VTA1: variants seen among roughly 807,000 people sequenced by gnomAD.
VTA1 encodes vesicle trafficking 1, also known as vacuolar protein sorting-associated protein VTA1 homolog.
VTA1 carries 24 observed loss-of-function variants against 36.9 expected under a neutral mutation model. That is an observed-to-expected ratio of 0.65 (90% CI 0.47 to 0.91). The LOEUF is 0.91. Ranked by LOEUF, VTA1 falls within the 40% of genes least tolerant of loss-of-function variation. The pLI is 0.00. For missense variants in VTA1, 393 were observed against 377.2 expected (o/e 1.04, Z -0.35); for synonymous variants, 142 against 130.2 (o/e 1.09, Z -0.62).
chr6:142,188,539 G>C (rs1268905795), intron 4 of VTA1, among the ~76,000 whole-genome samples: 1 of 152,084 alleles, frequency 6.6e-6, no homozygotes, highest in Non-Finnish European at 1.5e-5. Flanking sequence ...CGTTCGCTCT[G>C]GAACGCTAAT....
chr6:142,169,528 T>C, intron 2 of VTA1, 22 bp from the exon 3 acceptor site: 1 of 1,604,502 alleles, frequency 6.2e-7, no homozygotes, highest in Non-Finnish European at 8.5e-7. Context: ...AATCATAAGC[T>C]ATGTATCTGA....
At chr6:142,191,621 G>A (rs374480515) in intron 5 of VTA1, among the ~76,000 whole-genome samples, 1 of 152,018 alleles carries the variant, frequency 6.6e-6, no homozygotes, top group African/African-American at 2.4e-5. Flanking sequence ...GTGGAAAATT[G>A]TAAGCTACAG....
chr6:142,162,863 G>A (rs777472659), intron 1 of VTA1, among the ~76,000 whole-genome samples: 1 of 152,188 alleles, frequency 6.6e-6, no homozygotes, highest in Non-Finnish European at 1.5e-5. Context: ...CTGTAGTAAT[G>A]TGCATAGTTG....
Position 142,219,377 on chromosome 6 carries a change from A to G in VTA1, c.*734A>G, listed in dbSNP as rs1466023310. 1 of 152,224 alleles carries G rather than the reference A, an allele frequency of 6.6e-6. No individual in the cohort carries two copies. The highest frequency in any genetic ancestry group is 1.5e-5 in the Non-Finnish European group (1 of 68,038). The allele number at this position is 152,224 out of a possible 1,614,324, so 9.4% of individuals were successfully genotyped here. On this transcript the variant is annotated 3_prime_UTR_variant, in exon 8 of 8. Transcript: ENST00000367630. ...ATGTATTAGAGAATGAAAAGAAGAT[A>G]TTTGTAGTAATGCCTGGAAACTTGG...
intron 7 of VTA1, among the ~76,000 whole-genome samples, chr6:142,216,074 C>T (rs1776000010): frequency 1.3e-5 from 2 of 152,048 alleles, no homozygotes; most frequent in Non-Finnish European, 2.9e-5. Context: ...TCTTTAAGGT[C>T]CACTTGCACC....
At chr6:142,148,647 C>G (rs1582871637) in intron 1 of VTA1, among the ~76,000 whole-genome samples, 2 of 152,086 alleles carry the variant, frequency 1.3e-5, no homozygotes, top group Admixed American at 1.3e-4. Context: ...TAGAGTCTAT[C>G]ATACATAGAG....
intron 1 of VTA1, among the ~76,000 whole-genome samples, chr6:142,156,348 A>G (rs766197074): frequency 3.9e-5 from 6 of 152,234 alleles, no homozygotes; most frequent in Non-Finnish European, 7.3e-5. Flanking sequence ...AGAAAAAGGC[A>G]AAAAAGCCAG....
chr6:142,181,920 T>C (rs530041637), intron 4 of VTA1, among the ~76,000 whole-genome samples: 1 of 152,356 alleles, frequency 6.6e-6, no homozygotes, highest in Non-Finnish European at 1.5e-5. Flanking sequence ...TCTGTGACTA[T>C]AAATATTTCA....
chr6:142,164,349 C>T (rs1400005260), intron 1 of VTA1, among the ~76,000 whole-genome samples: 1 of 151,904 alleles, frequency 6.6e-6, no homozygotes, highest in African/African-American at 2.4e-5. Flanking sequence ...GCTGGTAGTG[C>T]AGTATATCTC....
At chr6:142,178,637 T>C (rs1267923927) in intron 4 of VTA1, among the ~76,000 whole-genome samples, 2 of 152,058 alleles carry the variant, frequency 1.3e-5, no homozygotes, top group Non-Finnish European at 2.9e-5. Context: ...ACTGTACATA[T>C]ATATATTTGG....
intron 1 of VTA1, among the ~76,000 whole-genome samples, chr6:142,162,370 T>C (rs1050996620): frequency 3.9e-5 from 6 of 152,200 alleles, no homozygotes; most frequent in African/African-American, 1.4e-4. Context: ...CCTCACATAG[T>C]GTTCACTACT....
chr6:142,198,492 C>T lies in VTA1; in HGVS notation c.574C>T (p.Gln192Ter). 1 of 1,614,072 alleles carries T rather than the reference C, an allele frequency of 6.2e-7. No individual in the cohort carries two copies. The highest frequency in any genetic ancestry group is 8.5e-7 in the Non-Finnish European group (1 of 1,179,982). Residue 192 changes from glutamine (Q) to a stop codon, truncating the protein, a stop_gained, in exon 6 of 8, where the codon CAG (glutamine) becomes TAG (stop). Transcript: ENST00000367630. LOFTEE classifies it high-confidence loss of function. The stretch of plus-strand genomic sequence containing the variant: ...AGCCTCTCTGCCCACTCAGCCAACT[C>T]AGCCATCATCATCTTCAACTTATGA... ...GAASLPTQPT[Q>*]PSSSSTYDPS...
At chr6:142,190,145 C>T (rs1232743977) in intron 5 of VTA1, among the ~76,000 whole-genome samples, 7 of 151,998 alleles carry the variant, frequency 4.6e-5, no homozygotes, top group East Asian at 1.9e-4. Flanking sequence ...CGAAGAATAC[C>T]GTATCATTTT....
rs1264254206 is a variant in VTA1, at chr6:142,222,052, G to A, written c.*3409G>A. 1.3e-5 allele frequency: 2 copies of A among 151,824 alleles called. No individual in the cohort carries two copies. The highest frequency in any genetic ancestry group is 2.1e-4 in the South Asian group (1 of 4,812). The allele number at this position is 151,824 out of a possible 1,614,324, so 9.4% of individuals were successfully genotyped here. On this transcript the variant is annotated 3_prime_UTR_variant, in exon 8 of 8. Coordinates refer to ENST00000367630, the MANE Select transcript of VTA1 (RefSeq NM_016485.5). ...GGAGTAGCCTTGGAGGTAATAAAAC[G>A]GGATTGGTTTCTGGCGGCTTTTTTT...
intron 5 of VTA1, among the ~76,000 whole-genome samples, chr6:142,191,272 C>T (rs974657333): frequency 6.6e-6 from 1 of 152,038 alleles, no homozygotes; most frequent in Non-Finnish European, 1.5e-5. Context: ...AACCAACTAG[C>T]TGTTTTACTT....
At chr6:142,190,598 T>C (rs1432369400) in intron 5 of VTA1, among the ~76,000 whole-genome samples, 1 of 152,226 alleles carries the variant, frequency 6.6e-6, no homozygotes, top group Admixed American at 6.5e-5. Flanking sequence ...TTTTTATGTA[T>C]TAGACGTAGT....
At chr6:142,198,968 G>C (rs1582898936) in intron 6 of VTA1, among the ~76,000 whole-genome samples, 4 of 152,006 alleles carry the variant, frequency 2.6e-5, no homozygotes, top group African/African-American at 9.7e-5. Context: ...GAGTGGAGTT[G>C]ATATTAGGAT....
intron 7 of VTA1, among the ~76,000 whole-genome samples, chr6:142,216,012 CTAAGA>C (rs777364008): frequency 1.6e-4 from 25 of 152,158 alleles, no homozygotes; most frequent in Admixed American, 1.2e-3. Context: ...AACTTATAAG[CTAAGA>C]TTTCAGAAGA....
At chr6:142,197,500 G>A (rs766298069) in intron 5 of VTA1, among the ~76,000 whole-genome samples, 1 of 152,040 alleles carries the variant, frequency 6.6e-6, no homozygotes, top group African/African-American at 2.4e-5. Context: ...TTTCAAATTC[G>A]GCTCACGATA....
Sources: gnomAD v4.1 joint callset for allele counts (sites outside exome capture counted in the v4.1 genomes callset) on GRCh38, gnomAD v4.1.1 for gene constraint, MANE v1.5 for transcripts, NCBI Gene and HGNC (gene_info 2026-07-23, HGNC 2026-07-21) for gene names.